ARHGAP42: variants seen among roughly 807,000 people sequenced by gnomAD.
The protein encoded by ARHGAP42 is rho GTPase-activating protein 42.
A neutral mutation model predicts 125.0 loss-of-function variants in ARHGAP42; 63 were observed. That is an observed-to-expected ratio of 0.50 (90% CI 0.41 to 0.62). The LOEUF (loss-of-function observed/expected upper bound fraction) is 0.62. Ranked by LOEUF, ARHGAP42 falls within the 20% of genes least tolerant of loss-of-function variation. The pLI is 0.00. For missense variants in ARHGAP42, 766 were observed against 1,024.2 expected (o/e 0.75, Z 3.44); for synonymous variants, 339 against 351.0 (o/e 0.97, Z 0.38).
At chr11:100,836,123 C>T (rs759433825) in intron 3 of ARHGAP42, among the ~76,000 whole-genome samples, 5 of 152,104 alleles carry the variant, frequency 3.3e-5, no homozygotes, top group Non-Finnish European at 5.9e-5. Context: ...CATCCTCTTA[C>T]AGATGAAGAA....
intron 12 of ARHGAP42, among the ~76,000 whole-genome samples, chr11:100,953,411 G>C (rs1294138351): frequency 6.6e-6 from 1 of 152,104 alleles, no homozygotes; most frequent in Non-Finnish European, 1.5e-5. Context: ...ATATAACTTA[G>C]GTAAACGTTT....
intron 3 of ARHGAP42, among the ~76,000 whole-genome samples, chr11:100,827,203 A>G (rs916363918): frequency 6.6e-6 from 1 of 151,888 alleles, no homozygotes; most frequent in Non-Finnish European, 1.5e-5. Context: ...GGGTTTCACA[A>G]TGTTGGCCAG....
chr11:100,791,218 C>G (rs984719026), intron 2 of ARHGAP42, among the ~76,000 whole-genome samples: 7 of 152,154 alleles, frequency 4.6e-5, no homozygotes, highest in African/African-American at 1.4e-4. Context: ...GCACACTAGG[C>G]AGTTTGGATC....
chr11:100,718,045 G>C (rs61910474), intron 1 of ARHGAP42, among the ~76,000 whole-genome samples: 1 of 152,080 alleles, frequency 6.6e-6, no homozygotes, highest in Non-Finnish European at 1.5e-5. Flanking sequence ...ATTTGAAAAT[G>C]TAGTTATTAC....
chr11:100,952,166 T>C (rs919370125), intron 12 of ARHGAP42, among the ~76,000 whole-genome samples: 2 of 152,220 alleles, frequency 1.3e-5, no homozygotes, highest in African/African-American at 4.8e-5. Context: ...AGATCTTATT[T>C]GTAATTGCAC....
chr11:100,802,231 TTAACA>T (rs925693079), intron 3 of ARHGAP42, among the ~76,000 whole-genome samples: 1 of 152,162 alleles, frequency 6.6e-6, no homozygotes, highest in African/African-American at 2.4e-5. Context: ...TGAACCAATG[TTAACA>T]TAACAAGAGA....
At chr11:100,910,989 C>T (rs2135227960) in intron 4 of ARHGAP42, among the ~76,000 whole-genome samples, 1 of 152,268 alleles carries the variant, frequency 6.6e-6, no homozygotes, top group East Asian at 1.9e-4. Flanking sequence ...TGTCACCCTA[C>T]ACAAACTGAA....
chr11:100,781,933 A>AT (rs5794067), intron 2 of ARHGAP42, among the ~76,000 whole-genome samples: 67,107 of 144,126 alleles, frequency 0.47, 16,182 homozygotes, highest in South Asian at 0.59. Context: ...CCACCACGAG[A>AT]TTTTTTTTTT....
rs763302463 is a variant in ARHGAP42 at position 100,980,559 on chromosome 11, C to CTTTTTTTTTTTTTTTTTTTTTTTT, written c.2456+1517_2456+1540dup. On this transcript the variant is annotated intron_variant, in intron 22 of 23. Coordinates refer to ENST00000298815, the MANE Select transcript of ARHGAP42 (RefSeq NM_152432.4). Reference sequence around the variant, plus strand: ...TCAAATCATACTTCTTTTTCTTCTTCTTTTTTTTTTTTTTTTTTTTTTTTT... The same window carrying CTTTTTTTTTTTTTTTTTTTTTTTT: ...TCAAATCATACTTCTTTTTCTTCTTCTTTTTTTTTTTTTTTTTTTTTTTTTTTTTTTTTTTTTTTTTTTTTTTTT... Among the ~76,000 whole-genome samples the CTTTTTTTTTTTTTTTTTTTTTTTT allele has an allele frequency of 2.7e-4, 14 of 51,952 alleles. 1 individual carries two copies. The highest frequency in any genetic ancestry group is 0.019 in the Middle Eastern group (1 of 52). 34.1% of individuals were successfully genotyped at this position (51,952 alleles called of 152,430 possible).
At chr11:100,915,486 A>G (rs1475733951) in intron 5 of ARHGAP42, among the ~76,000 whole-genome samples, 1 of 152,162 alleles carries the variant, frequency 6.6e-6, no homozygotes, top group Non-Finnish European at 1.5e-5. Context: ...AGGCTCCAAT[A>G]AATATCGGAA....
intron 1 of ARHGAP42, among the ~76,000 whole-genome samples, chr11:100,760,308 C>A (rs1380974187): frequency 3.3e-5 from 5 of 152,016 alleles, no homozygotes; most frequent in African/African-American, 7.3e-5. Flanking sequence ...TTTGAGTATG[C>A]AAAGAATAGT....
Position 100,988,730 on chromosome 11 carries a change from C to T in ARHGAP42, c.2554C>T (p.Pro852Ser). The T allele has an allele frequency of 6.5e-7, 1 of 1,550,098 alleles. No individual in the cohort carries two copies. Among genetic ancestry groups the T allele is most frequent in the Non-Finnish European group, 8.7e-7 (1 of 1,145,940 alleles). ...IFSNVYPSVE[P>S]GWLKATYEGK... ...TTTGCCAGTGTACCCATCAGTGGAACCAGGATGGTTAAAGGCAACTTATGA... is the reference window on the plus strand; with the variant it reads ...TTTGCCAGTGTACCCATCAGTGGAATCAGGATGGTTAAAGGCAACTTATGA... Residue 852 changes from proline to serine, a missense_variant, in exon 24 of 24, where the codon CCA becomes TCA. Coordinates refer to ENST00000298815, the MANE Select transcript of ARHGAP42 (RefSeq NM_152432.4).
intron 3 of ARHGAP42, among the ~76,000 whole-genome samples, chr11:100,807,724 C>T (rs1175882981): frequency 1.3e-5 from 2 of 152,172 alleles, no homozygotes; most frequent in Non-Finnish European, 2.9e-5. Context: ...TCTCTTTCCT[C>T]GCATCTCTAG....
chr11:100,849,390 G>A (rs1320954218), intron 3 of ARHGAP42, among the ~76,000 whole-genome samples: 1 of 152,158 alleles, frequency 6.6e-6, no homozygotes, highest in Non-Finnish European at 1.5e-5. Flanking sequence ...ATAACATATG[G>A]AACTTATTTG....
chr11:100,814,835 G>A (rs1041258754), intron 3 of ARHGAP42, among the ~76,000 whole-genome samples: 6 of 152,224 alleles, frequency 3.9e-5, no homozygotes, highest in Non-Finnish European at 7.3e-5. Flanking sequence ...GGGGATTACA[G>A]TTGAACATAA....
At chr11:100,730,481 A>G (rs1306211685) in intron 1 of ARHGAP42, among the ~76,000 whole-genome samples, 1 of 152,220 alleles carries the variant, frequency 6.6e-6, no homozygotes, top group African/African-American at 2.4e-5. Context: ...TGAAAAGCCA[A>G]TGTTGCTTTC....
At chr11:100,886,442 G>T (rs554444481) in intron 4 of ARHGAP42, among the ~76,000 whole-genome samples, 1 of 152,092 alleles carries the variant, frequency 6.6e-6, no homozygotes. Flanking sequence ...CAAACTGTAG[G>T]GTTCTCTGAT....
intron 4 of ARHGAP42, among the ~76,000 whole-genome samples, chr11:100,909,010 G>A (rs900938658): frequency 6.6e-6 from 1 of 152,034 alleles, no homozygotes; most frequent in Admixed American, 6.6e-5. Flanking sequence ...TTGTATGTTT[G>A]TTAGCTGCTT....
intron 1 of ARHGAP42, among the ~76,000 whole-genome samples, chr11:100,739,253 A>C (rs1298728237): frequency 6.6e-6 from 1 of 150,732 alleles, no homozygotes; most frequent in Non-Finnish European, 1.5e-5. Flanking sequence ...GGAACTATTG[A>C]CTTTTGGTAA....
Sources: allele counts gnomAD v4.1 joint callset (sites outside exome capture counted in the v4.1 genomes callset), GRCh38; gene constraint gnomAD v4.1.1; transcripts MANE v1.5; gene names NCBI Gene and HGNC (gene_info 2026-07-23, HGNC 2026-07-21).